CTNNA2: variants seen among roughly 807,000 people sequenced by gnomAD.
The protein encoded by CTNNA2 is catenin alpha 2, also known as catenin alpha-2.
Under a neutral mutation model 101.0 loss-of-function variants are expected in CTNNA2, and 42 were observed. The observed-to-expected ratio is 0.42, with a 90% CI of 0.32 to 0.54. The LOEUF (loss-of-function observed/expected upper bound fraction) is 0.54. CTNNA2 is among the 20% of genes least tolerant of loss of function. The probability of loss-of-function intolerance (pLI) is 0.14; values close to 1 mark genes in which losing one functional copy is unlikely to be tolerated. For missense variants in CTNNA2, 871 were observed against 1,223.1 expected, an observed-to-expected ratio of 0.71 and a Z score of 4.29; for synonymous variants, 450 against 456.4, an observed-to-expected ratio of 0.99 and a Z score of 0.18.
In CTNNA2 at chr2:79,997,599, A is replaced by C. The variant is rs116054619; in HGVS notation, c.1056+87802A>C. On this transcript the variant is annotated intron_variant, in intron 7 of 18. Coordinates refer to ENST00000402739, the MANE Select transcript of CTNNA2 (RefSeq NM_001282597.3). The stretch of plus-strand genomic sequence containing the variant: ...CTTGTCACAGATTTCTTTTCCCCCA[A>C]CTTTGTGTGTTCTCAATTTCCCTCT... Among the ~76,000 whole-genome samples the C allele has an allele frequency of 4.0e-3, 601 of 152,150 alleles. 5 individuals carry two copies. The highest frequency in any genetic ancestry group is 0.013 in the African/African-American group (558 of 41,504).
intron 2 of CTNNA2, among the ~76,000 whole-genome samples, chr2:79,737,878 G>T (rs189595737): frequency 6.6e-6 from 1 of 152,288 alleles, no homozygotes; most frequent in Non-Finnish European, 1.5e-5. Context: ...CCAAGACAAA[G>T]TGCCTTGATG....
At chr2:79,760,877 G>A (rs1405086413) in intron 3 of CTNNA2, among the ~76,000 whole-genome samples, 1 of 152,136 alleles carries the variant, frequency 6.6e-6, no homozygotes, top group East Asian at 1.9e-4. Context: ...AATGGAGGCT[G>A]TGGGGTGTAG....
chr2:79,323,272 A>G (rs1349718790), intron 3 of CTNNA2, among the ~76,000 whole-genome samples: 1 of 152,192 alleles, frequency 6.6e-6, no homozygotes, highest in East Asian at 1.9e-4. Context: ...TTGTCTAAAG[A>G]GTCAAGAAAT....
intron 9 of CTNNA2, among the ~76,000 whole-genome samples, chr2:80,504,412 T>A (rs1688112590): frequency 6.6e-6 from 1 of 152,190 alleles, no homozygotes; most frequent in Non-Finnish European, 1.5e-5. Context: ...TCATCTCTTT[T>A]GCTTGACCAA....
At chr2:79,529,948 A>G (rs949459924) in intron 1 of CTNNA2, among the ~76,000 whole-genome samples, 1 of 151,900 alleles carries the variant, frequency 6.6e-6, no homozygotes, top group African/African-American at 2.4e-5. Flanking sequence ...GTAGCTCTAA[A>G]AGTGTAGCAG....
chr2:80,591,549 A>G (rs1345408311), intron 15 of CTNNA2, among the ~76,000 whole-genome samples: 3 of 141,150 alleles, frequency 2.1e-5, no homozygotes, highest in Non-Finnish European at 4.5e-5. Context: ...GACCTTATAC[A>G]TTGTTATTAT....
At chr2:79,706,666 G>A (rs577101021) in intron 2 of CTNNA2, among the ~76,000 whole-genome samples, 46 of 152,282 alleles carry the variant, frequency 3.0e-4, no homozygotes, top group Middle Eastern at 3.4e-3. Context: ...GGTAGTAAGA[G>A]TCCCAGATGG....
At chr2:80,392,110 T>A (rs567438944) in intron 7 of CTNNA2, among the ~76,000 whole-genome samples, 2 of 152,308 alleles carry the variant, frequency 1.3e-5, no homozygotes, top group African/African-American at 4.8e-5. Flanking sequence ...CCGGATTTTG[T>A]CACGGAAAGA....
intron 7 of CTNNA2, among the ~76,000 whole-genome samples, chr2:80,206,194 C>T (rs1006099055): frequency 6.6e-6 from 1 of 152,088 alleles, no homozygotes; most frequent in Admixed American, 6.6e-5. Flanking sequence ...TGAACTTTTC[C>T]GACCATGTCA....
chr2:79,829,697 T>C (rs879272270), intron 3 of CTNNA2, among the ~76,000 whole-genome samples: 895 of 7,324 alleles, frequency 0.12, 14 homozygotes, highest in Admixed American at 0.31. Context: ...TTCTTTCTTA[T>C]TTATTTATTT....
intron 7 of CTNNA2, among the ~76,000 whole-genome samples, chr2:80,069,691 G>T (rs1430917653): frequency 6.6e-6 from 1 of 152,068 alleles, no homozygotes; most frequent in Non-Finnish European, 1.5e-5. Context: ...GAAGAGATTT[G>T]CTTAATATAT....
At chr2:80,477,396 A>G (rs1685809559) in intron 9 of CTNNA2, among the ~76,000 whole-genome samples, 1 of 152,090 alleles carries the variant, frequency 6.6e-6, no homozygotes, top group African/African-American at 2.4e-5. Flanking sequence ...GGTACAAGTC[A>G]TTTTTCATTA....
At chr2:80,306,949 A>G (rs969911205) in intron 7 of CTNNA2, among the ~76,000 whole-genome samples, 2 of 152,016 alleles carry the variant, frequency 1.3e-5, no homozygotes, top group South Asian at 4.1e-4. Context: ...AAGAAAGGGA[A>G]TAAAATTAAA....
At chr2:79,572,744 T>C (rs944938846) in intron 1 of CTNNA2, among the ~76,000 whole-genome samples, 2 of 152,186 alleles carry the variant, frequency 1.3e-5, no homozygotes, top group African/African-American at 4.8e-5. Flanking sequence ...ACACTAAGAC[T>C]TTGTTTAAAA....
At chr2:79,711,164 T>G (rs1160674440) in intron 2 of CTNNA2, among the ~76,000 whole-genome samples, 1 of 151,578 alleles carries the variant, frequency 6.6e-6, no homozygotes, top group African/African-American at 2.4e-5. Context: ...TAACTTTGTT[T>G]GAAATGAGAA....
intron 7 of CTNNA2, among the ~76,000 whole-genome samples, chr2:80,334,151 G>GA (rs1298081852): frequency 3.9e-5 from 6 of 152,168 alleles, no homozygotes; most frequent in African/African-American, 1.4e-4. Flanking sequence ...CTCCATTTCT[G>GA]ATGCTTCCTC....
intron 7 of CTNNA2, among the ~76,000 whole-genome samples, chr2:79,998,758 T>C (rs1192615051): frequency 6.6e-6 from 1 of 152,248 alleles, no homozygotes; most frequent in African/African-American, 2.4e-5. Flanking sequence ...TTAAAATTCA[T>C]ACTATTTCGA....
intron 16 of CTNNA2, 112 bp downstream of exon 16, chr2:80,604,291 G>C (rs1223600953): frequency 1.3e-6 from 1 of 772,158 alleles, no homozygotes; most frequent in Non-Finnish European, 2.2e-6. Context: ...ATGAATCAGA[G>C]GGGAGAATCA....
At chr2:80,370,616 A>G (rs1675353457) in intron 7 of CTNNA2, among the ~76,000 whole-genome samples, 1 of 152,140 alleles carries the variant, frequency 6.6e-6, no homozygotes, top group South Asian at 2.1e-4. Flanking sequence ...TGCTTTAGAG[A>G]TAAGAAAGCT....
Sources: allele counts gnomAD v4.1 joint callset (sites outside exome capture counted in the v4.1 genomes callset), GRCh38; gene constraint gnomAD v4.1.1; transcripts MANE v1.5; gene names NCBI Gene and HGNC (gene_info 2026-07-23, HGNC 2026-07-21).